Variants in TBC1D4 observed in about 807,000 individuals in gnomAD.
TBC1D4 encodes TBC1 domain family member 4, also known as TBC (Tre-2, BUB2, CDC16) domain-containing protein.
Under a neutral mutation model 142.5 loss-of-function variants are expected in TBC1D4, and 121 were observed. The observed-to-expected ratio is 0.85, with a 90% confidence interval of 0.73 to 0.99. TBC1D4 has a LOEUF of 0.99. Among genes scored for constraint, TBC1D4 ranks in the 50% least tolerant of loss-of-function variants. TBC1D4 has a pLI of 0.00. For missense variants in TBC1D4, 1,475 were observed against 1,606.6 expected (o/e 0.92, Z 1.40); for synonymous variants, 630 against 628.2 (o/e 1.00, Z -0.04).
chr13:75,305,197 G>A (rs1306407576), intron 15 of TBC1D4, among the ~76,000 whole-genome samples: 1 of 152,174 alleles, frequency 6.6e-6, no homozygotes, highest in Non-Finnish European at 1.5e-5. Flanking sequence ...CTTCCGCCAT[G>A]ATTGTGAGGC....
chr13:75,393,671 C>T (rs1374167168), intron 1 of TBC1D4, among the ~76,000 whole-genome samples: 1 of 152,138 alleles, frequency 6.6e-6, no homozygotes, highest in Non-Finnish European at 1.5e-5. Flanking sequence ...GTGGCTCATG[C>T]CTGTAATCCC....
intron 1 of TBC1D4, among the ~76,000 whole-genome samples, chr13:75,374,404 T>G (rs1476990034): frequency 6.6e-6 from 1 of 152,156 alleles, no homozygotes; most frequent in Non-Finnish European, 1.5e-5. Context: ...ACTCCTTAAA[T>G]GTCAAATTTT....
chr13:75,446,221 C>T (rs1056155562), intron 1 of TBC1D4, among the ~76,000 whole-genome samples: 1 of 152,162 alleles, frequency 6.6e-6, no homozygotes, highest in Non-Finnish European at 1.5e-5. Context: ...TGGAATTATG[C>T]TGCACTTTAA....
chr13:75,455,670 T>A (rs1200276328), intron 1 of TBC1D4, among the ~76,000 whole-genome samples: 1 of 152,148 alleles, frequency 6.6e-6, no homozygotes, highest in Admixed American at 6.5e-5. Flanking sequence ...GATAAAACTT[T>A]AGGATGACTT....
intron 1 of TBC1D4, among the ~76,000 whole-genome samples, chr13:75,412,464 AT>A (rs946440510): frequency 2.0e-5 from 3 of 151,650 alleles, no homozygotes; most frequent in Non-Finnish European, 2.9e-5. Flanking sequence ...ACACACGGTT[AT>A]TTTTTTTATT....
At chr13:75,360,159 C>T (rs557121182) in intron 2 of TBC1D4, among the ~76,000 whole-genome samples, 10 of 152,234 alleles carry the variant, frequency 6.6e-5, no homozygotes, top group Non-Finnish European at 1.3e-4. Context: ...AAACTTTCCT[C>T]ACTTCATGAT....
chr13:75,354,861 G>C (rs533933), intron 4 of TBC1D4, among the ~76,000 whole-genome samples: 2 of 151,862 alleles, frequency 1.3e-5, no homozygotes, highest in South Asian at 2.1e-4. Context: ...ATTTACACAA[G>C]GACAATCTCA....
At chr13:75,451,173 A>G (rs980131391) in intron 1 of TBC1D4, among the ~76,000 whole-genome samples, 5 of 152,200 alleles carry the variant, frequency 3.3e-5, no homozygotes, top group African/African-American at 1.2e-4. Flanking sequence ...GGTTTGGGTA[A>G]ATCACTTAAC....
intron 1 of TBC1D4, among the ~76,000 whole-genome samples, chr13:75,365,246 T>C (rs1393320640): frequency 6.6e-6 from 1 of 152,158 alleles, no homozygotes; most frequent in African/African-American, 2.4e-5. Flanking sequence ...TAGTTACCTT[T>C]ACTACCTTTT....
intron 13 of TBC1D4, among the ~76,000 whole-genome samples, chr13:75,312,452 A>AAAG (rs1566366375): frequency 5.6e-5 from 6 of 106,322 alleles, no homozygotes; most frequent in African/African-American, 1.8e-4. Context: ...AAGAAAGAAA[A>AAAG]AGGACATACA....
In TBC1D4 at chr13:75,289,130, G is replaced by T. The variant is rs779752148; in HGVS notation, c.3487-20C>A. ...AAAAACCTGCCATGAAAGTATCATGGGTTAGGCTAGCCTTTGGTATGTATA... is the reference window on the plus strand; with the variant it reads ...AAAAACCTGCCATGAAAGTATCATGTGTTAGGCTAGCCTTTGGTATGTATA... On this transcript the variant is annotated intron_variant, in intron 19 of 20. Coordinates refer to ENST00000377636, the MANE Select transcript of TBC1D4 (RefSeq NM_014832.5). The T allele has an allele frequency of 6.2e-7, 1 of 1,613,088 alleles. No individual in the cohort carries two copies. The highest frequency in any genetic ancestry group is 8.5e-7 in the Non-Finnish European group (1 of 1,179,600).
intron 1 of TBC1D4, among the ~76,000 whole-genome samples, chr13:75,425,061 T>A (rs1294397855): frequency 6.6e-6 from 1 of 151,498 alleles, no homozygotes; most frequent in Non-Finnish European, 1.5e-5. Flanking sequence ...AGAGACAAAC[T>A]ATGAAAAAGG....
At chr13:75,442,872 A>C (rs752954399) in intron 1 of TBC1D4, among the ~76,000 whole-genome samples, 2 of 152,152 alleles carry the variant, frequency 1.3e-5, no homozygotes, top group Non-Finnish European at 2.9e-5. Flanking sequence ...AGAAAACAGA[A>C]ACAGTCCAAA....
At position 75,287,034 on chromosome 13, in the gene TBC1D4, G is replaced by C; in HGVS notation, c.3664-9C>G. ...ATTTTAGTATGAGCTACCTGTTTGGGGGGGAAAAAATCCTCCAAATCAAAT... is the reference window on the plus strand; with the variant it reads ...ATTTTAGTATGAGCTACCTGTTTGGCGGGGAAAAAATCCTCCAAATCAAAT... On this transcript the variant is annotated splice_polypyrimidine_tract_variant and intron_variant, in intron 20 of 20. Transcript: ENST00000377636. 1 of 1,598,748 alleles carries C rather than the reference G, an allele frequency of 6.3e-7. No individual in the cohort carries two copies. Among genetic ancestry groups the C allele is most frequent in the South Asian group, 1.1e-5 (1 of 91,000 alleles).
At chr13:75,400,586 T>C (rs1348630010) in intron 1 of TBC1D4, among the ~76,000 whole-genome samples, 2 of 150,360 alleles carry the variant, frequency 1.3e-5, no homozygotes, top group Non-Finnish European at 3.0e-5. Flanking sequence ...GCCTCCCAAG[T>C]AGCTGGGACT....
intron 8 of TBC1D4, among the ~76,000 whole-genome samples, chr13:75,329,663 G>A (rs1320733469): frequency 6.6e-6 from 1 of 152,078 alleles, no homozygotes; most frequent in Non-Finnish European, 1.5e-5. Context: ...ATTTGGGTGA[G>A]GCACATTCTC....
Position 75,371,770 on chromosome 13 carries a change from T to C in TBC1D4, c.499-9163A>G, listed in dbSNP as rs910783244. On this transcript the variant is annotated intron_variant, in intron 1 of 20. Transcript: ENST00000377636. ...CCCCTGTAAAATGAACCCATGTAGG[T>C]AAAACTGTTTTCTCTGCCATTAGGA... Among the ~76,000 whole-genome samples the C allele has an allele frequency of 3.3e-5, 5 of 152,124 alleles. No homozygotes were observed. The South Asian group carries it at 8.3e-4, about 25-fold the overall frequency.
chr13:75,348,159 A>C lies in TBC1D4; in HGVS notation c.1408+1011T>G, dbSNP rs114924103. Among the ~76,000 whole-genome samples the C allele has an allele frequency of 2.8e-3, 430 of 152,274 alleles. 5 individuals carry two copies. The highest frequency in any genetic ancestry group is 9.2e-3 in the African/African-American group (384 of 41,554). On this transcript the variant is annotated intron_variant, in intron 5 of 20. Coordinates refer to ENST00000377636, the MANE Select transcript of TBC1D4 (RefSeq NM_014832.5). ...GTGCCTCAAAACAAACAAACAACAAAAAAAAAACCTGTGTTTGATCACATA... is the reference window on the plus strand; with the variant it reads ...GTGCCTCAAAACAAACAAACAACAACAAAAAAACCTGTGTTTGATCACATA...
At position 75,324,367 on chromosome 13, in the gene TBC1D4, T is replaced by C; in HGVS notation, c.2068A>G (p.Ser690Gly). 6.2e-7 allele frequency: 1 copy of C among 1,613,994 alleles called. No homozygotes were observed. Among genetic ancestry groups the C allele is most frequent in the Non-Finnish European group, 8.5e-7 (1 of 1,179,904 alleles). Residue 690 changes from serine to glycine, a missense_variant, in exon 11 of 21, where the codon AGT becomes GGT. Physicochemically the swap from Ser to Gly is moderately conservative, Grantham distance 56. Transcript: ENST00000377636. ...LSSVRRMYKE[S>G]NSSSSLPSLH... ...CTTGGAAGACTGGAGGAAGAATTAC[T>C]CTCCTTGTACATGCGTCGAACTGAC... is the stretch of plus-strand genomic sequence containing the variant.
Sources: allele counts gnomAD v4.1 joint callset (sites outside exome capture counted in the v4.1 genomes callset), GRCh38; gene constraint gnomAD v4.1.1; transcripts MANE v1.5; gene names NCBI Gene and HGNC (gene_info 2026-07-23, HGNC 2026-07-21).